Variants in ACYP2 observed in about 807,000 individuals in gnomAD.
ACYP2 encodes acylphosphatase 2, also known as acylphosphatase-2.
ACYP2 carries 12 observed loss-of-function variants against 11.2 expected under a neutral mutation model. The observed-to-expected ratio is 1.08, with a 90% CI of 0.69 to 1.74. The LOEUF is 1.74. Ranked by LOEUF, ACYP2 falls within the 40% of genes most tolerant of loss-of-function variation. The pLI is 0.00. For missense variants in ACYP2, 134 were observed against 101.9 expected (o/e 1.31, Z -1.35); for synonymous variants, 43 against 32.2 (o/e 1.33, Z -1.13).
chr2:54,055,534 T>C (rs778280755), intron 3 of ACYP2, among the ~76,000 whole-genome samples: 83 of 152,182 alleles, frequency 5.5e-4, no homozygotes, highest in Non-Finnish European at 7.5e-4. Context: ...GTGAGGTAGA[T>C]AGAAAAAGTA....
At chr2:54,248,760 T>G (rs923775962) in intron 6 of ACYP2, among the ~76,000 whole-genome samples, 1 of 151,944 alleles carries the variant, frequency 6.6e-6, no homozygotes, top group African/African-American at 2.4e-5. Flanking sequence ...TAAAATTGAG[T>G]GACAAATATA....
intron 6 of ACYP2, among the ~76,000 whole-genome samples, chr2:54,293,530 G>T (rs1689399415): frequency 6.6e-6 from 1 of 152,220 alleles, no homozygotes; most frequent in Non-Finnish European, 1.5e-5. Context: ...AGACCAAGAG[G>T]TCTCACTGGT....
chr2:54,182,819 A>G (rs1683802868), intron 6 of ACYP2, among the ~76,000 whole-genome samples: 2 of 152,138 alleles, frequency 1.3e-5, no homozygotes, highest in African/African-American at 4.8e-5. Flanking sequence ...TTATTTGCCT[A>G]TAGCGGCAGT....
At chr2:54,124,615 C>A (rs1017548363) in intron 4 of ACYP2, among the ~76,000 whole-genome samples, 1 of 152,144 alleles carries the variant, frequency 6.6e-6, no homozygotes, top group African/African-American at 2.4e-5. Context: ...TGAATTTAAC[C>A]AAAAATTGTG....
Position 53,976,512 on chromosome 2 carries a change from C to T in ACYP2, c.62+2702C>T, listed in dbSNP as rs116714252. The stretch of plus-strand genomic sequence containing the variant: ...GTTAGCCACCACACCTGGCCAGAAA[C>T]GTAATCTTTAGAAGTATTTGAATTA... On this transcript the variant is annotated intron_variant, in intron 2 of 6. Transcript: ENST00000607452. 8.5e-3 allele frequency among the ~76,000 whole-genome samples: 1,295 copies of T among 152,148 alleles called. 26 individuals carry two copies. The highest frequency in any genetic ancestry group is 0.029 in the African/African-American group (1,211 of 41,510).
intron 6 of ACYP2, among the ~76,000 whole-genome samples, chr2:54,246,164 T>A (rs551353112): frequency 6.6e-6 from 1 of 152,334 alleles, no homozygotes; most frequent in East Asian, 1.9e-4. Flanking sequence ...ATGGGTTGCC[T>A]GTAGATAAAT....
intron 6 of ACYP2, among the ~76,000 whole-genome samples, chr2:54,297,991 G>A (rs375388537): frequency 6.6e-6 from 1 of 152,226 alleles, no homozygotes; most frequent in East Asian, 1.9e-4. Flanking sequence ...ACACAAACAC[G>A]GACATTTAAA....
intron 4 of ACYP2, among the ~76,000 whole-genome samples, chr2:54,114,389 A>T (rs2103724030): frequency 6.6e-6 from 1 of 151,726 alleles, no homozygotes; most frequent in Non-Finnish European, 1.5e-5. Context: ...TCAAAAAAAA[A>T]AAAAAAAAAA....
intron 4 of ACYP2, among the ~76,000 whole-genome samples, chr2:54,095,440 C>T (rs1678479149): frequency 1.3e-5 from 2 of 152,162 alleles, no homozygotes; most frequent in Non-Finnish European, 2.9e-5. Flanking sequence ...AGAGGGGCTC[C>T]TCACTTCCCA....
Position 54,203,851 on chromosome 2 carries a change from A to G in ACYP2, c.404+65103A>G, listed in dbSNP as rs1219787145. Among the ~76,000 whole-genome samples, 13 of 151,366 alleles carry G rather than the reference A, an allele frequency of 8.6e-5. No homozygotes were observed. The South Asian group carries it at 2.7e-3, about 32-fold the overall frequency. On this transcript the variant is annotated intron_variant, in intron 6 of 6. Coordinates refer to ENST00000607452, the MANE Select transcript of ACYP2 (RefSeq NM_001320586.2). ...GTGGTGATTTACTTTCTGAATGCTT[A>G]TAAATATAAAATTTCTTCCAATCAC... is the stretch of plus-strand genomic sequence containing the variant.
chr2:54,142,798 C>T (rs1433171607), intron 6 of ACYP2: 1 of 152,174 alleles, frequency 6.6e-6, no homozygotes, highest in Non-Finnish European at 1.5e-5. Context: ...TAAGAACACA[C>T]AGATGTTGTT....
At chr2:54,117,513 G>A (rs543712355) in intron 4 of ACYP2, among the ~76,000 whole-genome samples, 4 of 152,238 alleles carry the variant, frequency 2.6e-5, no homozygotes, top group East Asian at 3.9e-4. Flanking sequence ...GGCAAGTCTC[G>A]AAATCCTGGC....
intron 6 of ACYP2, among the ~76,000 whole-genome samples, chr2:54,177,905 A>C (rs72800786): frequency 0.058 from 1,929 of 33,170 alleles, 27 homozygotes; most frequent in Middle Eastern, 0.19. Flanking sequence ...TTCTTTCTTT[A>C]TTTTTTTTTT....
chr2:54,097,445 C>T (rs1240156593), intron 4 of ACYP2, among the ~76,000 whole-genome samples: 1 of 152,226 alleles, frequency 6.6e-6, no homozygotes, highest in African/African-American at 2.4e-5. Flanking sequence ...CACCACTGTT[C>T]CCCAAATCCT....
chr2:54,088,380 C>T (rs1007926060), intron 4 of ACYP2, among the ~76,000 whole-genome samples: 1 of 152,160 alleles, frequency 6.6e-6, no homozygotes, highest in Non-Finnish European at 1.5e-5. Context: ...GCCACTGTCC[C>T]TCCTGCTGCA....
At chr2:54,115,472 G>C (rs908314110) in intron 4 of ACYP2, 143 bp from the exon 1 acceptor site, 21 of 1,213,476 alleles carry the variant, frequency 1.7e-5, no homozygotes, top group Non-Finnish European at 2.1e-5. Flanking sequence ...AGGATGCCTG[G>C]GGCCCAGCGG....
intron 3 of ACYP2, among the ~76,000 whole-genome samples, chr2:54,053,246 T>C (rs1433521849): frequency 6.6e-6 from 1 of 152,216 alleles, no homozygotes; most frequent in African/African-American, 2.4e-5. Flanking sequence ...CTGTCCTATA[T>C]TGCTGCTCTG....
chr2:54,053,822 A>G lies in ACYP2; in HGVS notation c.155+2772A>G, dbSNP rs553859477. ...CTTTCTTTACTCAGTAATTCTTTATATTAAACATCCCTGTTTAAATTACTA... is the reference window on the plus strand; with the variant it reads ...CTTTCTTTACTCAGTAATTCTTTATGTTAAACATCCCTGTTTAAATTACTA... On this transcript the variant is annotated intron_variant, in intron 3 of 6. Coordinates refer to ENST00000607452, the MANE Select transcript of ACYP2 (RefSeq NM_001320586.2). Among the ~76,000 whole-genome samples, 3 of 152,314 alleles carry G rather than the reference A, an allele frequency of 2.0e-5. No individual in the cohort carries two copies. In the South Asian group the frequency reaches 6.2e-4, roughly 32 times the overall value.
chr2:54,271,854 C>T (rs1688319855), intron 6 of ACYP2, among the ~76,000 whole-genome samples: 1 of 152,198 alleles, frequency 6.6e-6, no homozygotes, highest in Non-Finnish European at 1.5e-5. Flanking sequence ...CTTTGATAAA[C>T]TCACATAGGC....
Sources: allele counts gnomAD v4.1 joint callset (sites outside exome capture counted in the v4.1 genomes callset), GRCh38; gene constraint gnomAD v4.1.1; transcripts MANE v1.5; gene names NCBI Gene and HGNC (gene_info 2026-07-23, HGNC 2026-07-21).